CEP83: variants seen among roughly 807,000 people sequenced by gnomAD.
The protein encoded by CEP83 is centrosomal protein 83.
A neutral mutation model predicts 101.9 loss-of-function variants in CEP83; 70 were observed. That is an observed-to-expected ratio of 0.69 (90% CI 0.57 to 0.84). The LOEUF (loss-of-function observed/expected upper bound fraction) is 0.84, where lower values mean the gene tolerates loss of function less well. Among genes scored for constraint, CEP83 ranks in the 40% least tolerant of loss-of-function variants. CEP83 has a pLI of 0.00. For synonymous variants in CEP83, 264 were observed against 267.9 expected (o/e 0.99, Z 0.14); for missense variants, 715 against 787.2 (o/e 0.91, Z 1.10).
intron 11 of CEP83, among the ~76,000 whole-genome samples, chr12:94,347,827 CT>C (rs1428470885): frequency 1.3e-5 from 2 of 152,072 alleles, no homozygotes; most frequent in Non-Finnish European, 2.9e-5. Flanking sequence ...CATAAAGAAA[CT>C]TTTGGGGTGA....
chr12:94,347,110 T>C (rs980950271), intron 11 of CEP83, among the ~76,000 whole-genome samples: 12 of 147,524 alleles, frequency 8.1e-5, no homozygotes, highest in African/African-American at 2.2e-4. Flanking sequence ...CACACACACA[T>C]ACACACACAA....
chr12:94,298,920 G>A, the CEP83 span: 1 of 887,642 alleles, frequency 1.1e-6, no homozygotes, highest in Non-Finnish European at 1.7e-6. Context: ...GGCTTGGTAA[G>A]CTATCATGTC....
intron 11 of CEP83, among the ~76,000 whole-genome samples, chr12:94,356,045 G>C (rs1348687300): frequency 6.6e-6 from 1 of 151,870 alleles, no homozygotes; most frequent in Non-Finnish European, 1.5e-5. Flanking sequence ...CGCTGGGTTA[G>C]GGTCTCCCCT....
chr12:94,334,189 C>G (rs932805594), intron 12 of CEP83, among the ~76,000 whole-genome samples: 1 of 152,106 alleles, frequency 6.6e-6, no homozygotes, highest in Non-Finnish European at 1.5e-5. Context: ...TAAAAGGTTT[C>G]CAAACCTTCT....
intron 11 of CEP83, among the ~76,000 whole-genome samples, chr12:94,353,971 C>T (rs950648472): frequency 6.6e-6 from 1 of 151,732 alleles, no homozygotes; most frequent in African/African-American, 2.4e-5. Flanking sequence ...CATCAAACAC[C>T]AGAGAACCAA....
rs192780557 is a variant in CEP83, at chr12:94,439,079, G to T, written c.-154-3752C>A. On this transcript the variant is annotated intron_variant, in intron 1 of 16. Transcript: ENST00000397809. Reference sequence around the variant, plus strand: ...TGTCTACAACAAAAATTCTGAAAAAGCACAAATAGATTATCTAACCTCACA... The same window carrying T: ...TGTCTACAACAAAAATTCTGAAAAATCACAAATAGATTATCTAACCTCACA... Among the ~76,000 whole-genome samples, 168 of 152,148 alleles carry T rather than the reference G, an allele frequency of 1.1e-3. 1 individual carries two copies. The highest frequency in any genetic ancestry group is 4.0e-3 in the African/African-American group (164 of 41,516).
rs975931320 is a variant in CEP83 at position 94,307,891 on chromosome 12, G to A, written c.*922C>T. The A allele has an allele frequency of 6.6e-6, 1 of 152,112 alleles. No individual in the cohort carries two copies. Among genetic ancestry groups the A allele is most frequent in the Non-Finnish European group, 1.5e-5 (1 of 68,022 alleles). 9.4% of individuals were successfully genotyped at this position (152,112 alleles called of 1,614,324 possible). A position where few individuals can be genotyped will look rare whatever the true frequency, so the allele number is the denominator to read the frequency against. On this transcript the variant is annotated 3_prime_UTR_variant, in exon 17 of 17. Coordinates refer to ENST00000397809, the MANE Select transcript of CEP83 (RefSeq NM_016122.3). Reference sequence around the variant, plus strand: ...ACTATCAACTGGGACTTTTGACTATGAACACCTTGGGATAATGAACATTCC... The same window carrying A: ...ACTATCAACTGGGACTTTTGACTATAAACACCTTGGGATAATGAACATTCC...
intron 2 of CEP83, among the ~76,000 whole-genome samples, chr12:94,421,588 T>G (rs925972046): frequency 6.6e-5 from 10 of 152,184 alleles, no homozygotes; most frequent in African/African-American, 2.2e-4. Context: ...GTCCTTTAAG[T>G]AAAATTTACA....
chr12:94,361,461 A>G (rs1246325487), intron 11 of CEP83: 1 of 152,184 alleles, frequency 6.6e-6, no homozygotes, highest in African/African-American at 2.4e-5. Context: ...GCTGAACAAT[A>G]GTAGCATTGC....
At chr12:94,275,014 T>C in the CEP83 span, among the ~76,000 whole-genome samples, 1 of 152,200 alleles carries the variant, frequency 6.6e-6, no homozygotes, top group African/African-American at 2.4e-5. Flanking sequence ...ATAGGAACAG[T>C]GAGGATTTTA....
intron 6 of CEP83, among the ~76,000 whole-genome samples, chr12:94,383,103 T>C (rs915219438): frequency 1.3e-5 from 2 of 152,078 alleles, no homozygotes; most frequent in African/African-American, 4.8e-5. Flanking sequence ...TTTGTCACTA[T>C]ATAATCTCTT....
rs1416310832 is a variant in CEP83, at chr12:94,312,538, A to T, written c.1811+376T>A. On this transcript the variant is annotated intron_variant, in intron 15 of 16. Coordinates refer to ENST00000397809, the MANE Select transcript of CEP83 (RefSeq NM_016122.3). ...ACTGCAAAACCCGAAACTACAGCTC[A>T]ATAAAATCTCCACACCAGGAAACCA... is the stretch of plus-strand genomic sequence containing the variant. 3 of 982,864 alleles carry T rather than the reference A, an allele frequency of 3.1e-6. No individual in the cohort carries two copies. The East Asian group carries it at 3.4e-4, about 111-fold the overall frequency. 60.9% of individuals were successfully genotyped at this position (982,864 alleles called of 1,614,324 possible).
chr12:94,339,770 C>A, intron 11 of CEP83, among the ~76,000 whole-genome samples: 1 of 152,192 alleles, frequency 6.6e-6, no homozygotes, highest in East Asian at 1.9e-4. Flanking sequence ...TGGAAATTGA[C>A]ACTGGCCATT....
intron 2 of CEP83, chr12:94,424,091 A>G: frequency 6.2e-7 from 1 of 1,608,568 alleles, no homozygotes; most frequent in South Asian, 1.1e-5. Flanking sequence ...TGTCTGAGTC[A>G]CTCTCTGATA....
rs547862381 is a variant in CEP83, at chr12:94,448,681, T to C, written c.-155+10876A>G. Among the ~76,000 whole-genome samples, 7 of 152,206 alleles carry C rather than the reference T, an allele frequency of 4.6e-5. No individual in the cohort carries two copies. In the South Asian group the frequency reaches 1.5e-3, roughly 32 times the overall value. On this transcript the variant is annotated intron_variant, in intron 1 of 16. Coordinates refer to ENST00000397809, the MANE Select transcript of CEP83 (RefSeq NM_016122.3). ...TTAAAACATACCTCTAAATAACCCA[T>C]TGATCAAAGAAGAAATTGCAAGGAA...
chr12:94,366,107 A>G (rs536957969), intron 11 of CEP83, among the ~76,000 whole-genome samples: 173 of 152,120 alleles, frequency 1.1e-3, no homozygotes, highest in African/African-American at 4.0e-3. Flanking sequence ...GGGAAGTGGC[A>G]TTTTTTTGAA....
At chr12:94,451,467 C>CAAAAAAAAAAAAAAAAAAAACA (rs34200750) in intron 1 of CEP83, among the ~76,000 whole-genome samples, 1 of 102,666 alleles carries the variant, frequency 9.7e-6, no homozygotes, top group Admixed American at 1.1e-4. Flanking sequence ...TCAGTAAGAC[C>CAAAAAAAAAAAAAAAAAAAACA]AAAAAAAAAA....
Position 94,369,969 on chromosome 12 carries a change from T to G in CEP83, c.1001A>C (p.Lys334Thr). 6.2e-7 allele frequency: 1 copy of G among 1,611,116 alleles called. No individual in the cohort carries two copies. Among genetic ancestry groups the G allele is most frequent in the South Asian group, 1.1e-5 (1 of 90,866 alleles). ...TDIKLETARA[K>T]SELERERNKI... ...ATTCCTTTCTCTTTCTAGCTCACTC[T>G]TAGCTCTTGCTGTCTCCAGTTTGAT... Residue 334 changes from lysine to threonine, a missense_variant, in exon 9 of 17, where the codon AAG (lysine) becomes ACG (threonine). Coordinates refer to ENST00000397809, the MANE Select transcript of CEP83 (RefSeq NM_016122.3).
At chr12:94,355,180 A>T (rs2060395347) in intron 11 of CEP83, among the ~76,000 whole-genome samples, 1 of 152,124 alleles carries the variant, frequency 6.6e-6, no homozygotes. Context: ...CAACATAATC[A>T]TGTTCCCCAG....
Sources: gnomAD v4.1 joint callset for allele counts (sites outside exome capture counted in the v4.1 genomes callset) on GRCh38, gnomAD v4.1.1 for gene constraint, MANE v1.5 for transcripts, NCBI Gene and HGNC (gene_info 2026-07-23, HGNC 2026-07-21) for gene names.